Variants in MGLL observed in about 807,000 individuals in gnomAD.
MGLL encodes the protein lysophospholipase homolog.
A neutral mutation model predicts 29.1 loss-of-function variants in MGLL; 7 were observed. The observed-to-expected ratio is 0.24, with a 90% confidence interval of 0.14 to 0.45. The LOEUF is 0.45. MGLL is among the 20% of genes least tolerant of loss of function. The pLI, the probability that MGLL is intolerant of heterozygous loss-of-function variation, is 0.99. For synonymous variants in MGLL, 148 were observed against 168.3 expected (o/e 0.88, Z 0.93); for missense variants, 356 against 413.6 (o/e 0.86, Z 1.21).
chr3:127,788,091 C>T (rs987551298), intron 2 of MGLL, among the ~76,000 whole-genome samples: 1 of 152,172 alleles, frequency 6.6e-6, no homozygotes, highest in African/African-American at 2.4e-5. Context: ...ATAGACTTCT[C>T]CTTTGTATAA....
chr3:127,712,987 G>A (rs902704485), intron 5 of MGLL: 7 of 152,284 alleles, frequency 4.6e-5, no homozygotes, highest in African/African-American at 1.4e-4. Flanking sequence ...GTGCATAAAG[G>A]CAGTGGGCTG....
rs775021177 is a variant in MGLL at position 127,721,092 on chromosome 3, A to C, written c.471T>G (p.Pro157=). The change falls in exon 5 of 8, where the codon CCT becomes CCG. Residue 157 remains proline (P), a synonymous_variant. Coordinates refer to ENST00000265052, the MANE Select transcript of MGLL (RefSeq NM_007283.7). ...GHFAGMVLIS[P]LVLANPESAT... ...CAGATTCAGGATTGGCAAGAACCAG[A>C]GGCGAAATGAGTACCATGCCGGCGA... is the stretch of plus-strand genomic sequence containing the variant. The C allele has an allele frequency of 1.5e-5, 24 of 1,614,274 alleles. No homozygotes were observed. Among genetic ancestry groups the C allele is most frequent in the Non-Finnish European group, 1.8e-5 (21 of 1,180,044 alleles).
chr3:127,816,102 A>G (rs2077751095), intron 2 of MGLL, among the ~76,000 whole-genome samples: 1 of 152,200 alleles, frequency 6.6e-6, no homozygotes, highest in Non-Finnish European at 1.5e-5. Context: ...AGGGACAATA[A>G]GCTGTGTGAT....
intron 3 of MGLL, among the ~76,000 whole-genome samples, chr3:127,778,307 C>A (rs2077068782): frequency 6.6e-6 from 1 of 152,194 alleles, no homozygotes; most frequent in South Asian, 2.1e-4. Flanking sequence ...TGAGGGGTGA[C>A]CCAGCCCGCT....
At chr3:127,736,629 C>A (rs141937395) in intron 3 of MGLL, among the ~76,000 whole-genome samples, 1 of 152,312 alleles carries the variant, frequency 6.6e-6, no homozygotes, top group African/African-American at 2.4e-5. Context: ...TAAGCACTTG[C>A]GGTATGCCTG....
intron 5 of MGLL, chr3:127,711,532 T>C (rs1472060705): frequency 6.6e-6 from 1 of 151,940 alleles, no homozygotes; most frequent in Non-Finnish European, 1.5e-5. Flanking sequence ...TGCACAGACA[T>C]TTGGGGATGA....
At chr3:127,799,241 T>C (rs535327628) in intron 2 of MGLL, among the ~76,000 whole-genome samples, 20 of 152,242 alleles carry the variant, frequency 1.3e-4, no homozygotes, top group South Asian at 4.2e-4. Context: ...CCCTTTGACA[T>C]AAGTAGCCTG....
intron 6 of MGLL, among the ~76,000 whole-genome samples, chr3:127,708,156 C>T (rs2078637): frequency 0.39 from 60,037 of 152,082 alleles, 12,004 homozygotes; most frequent in Middle Eastern, 0.55. Flanking sequence ...CAAGACACCC[C>T]GATGTTAGAT....
Position 127,761,418 on chromosome 3 carries a change from GCTC to G in MGLL, c.262+20368_262+20370del, listed in dbSNP as rs1398728411. ...GGACCAGGGTGGAGGCCTCCCCAGG[GCTC>G]CTCCTTCTCCAGCAAGCAGTACTAA... On this transcript the variant is annotated intron_variant, in intron 3 of 7. Coordinates refer to ENST00000265052, the MANE Select transcript of MGLL (RefSeq NM_007283.7). This position sits in a 1 kb window ranked among gnomAD's most constrained non-coding sequence, Gnocchi z 4.6. Among the ~76,000 whole-genome samples, 3 of 152,212 alleles carry G rather than the reference GCTC, an allele frequency of 2.0e-5. No homozygotes were observed. Among genetic ancestry groups the G allele is most frequent in the Non-Finnish European group, 4.4e-5 (3 of 68,042 alleles).
chr3:127,770,216 C>T (rs546887474), intron 3 of MGLL, among the ~76,000 whole-genome samples: 1 of 152,198 alleles, frequency 6.6e-6, no homozygotes, highest in South Asian at 2.1e-4. Context: ...GAGACAGAGT[C>T]ACATCCTATT....
intron 2 of MGLL, among the ~76,000 whole-genome samples, chr3:127,782,592 C>T (rs1433331608): frequency 1.3e-5 from 2 of 152,178 alleles, no homozygotes; most frequent in Non-Finnish European, 2.9e-5. Flanking sequence ...CTTCCTCCCT[C>T]GGGGGCGAAT....
In MGLL at chr3:127,786,602, G is replaced by A. The variant is rs149034145; in HGVS notation, c.156-4707C>T. On this transcript the variant is annotated intron_variant, in intron 2 of 7. Transcript: ENST00000265052. ...ACACAGCCCTCGAGATGAACAAGCC[G>A]CAGAGCCTCTCAGAATGTACAAACC... Among the ~76,000 whole-genome samples, 531 of 152,332 alleles carry A rather than the reference G, an allele frequency of 3.5e-3. 5 individuals carry two copies. The highest frequency in any genetic ancestry group is 0.012 in the African/African-American group (511 of 41,568).
chr3:127,781,958 T>A, intron 2 of MGLL, 63 bp from the exon 3 acceptor site: 1 of 1,498,014 alleles, frequency 6.7e-7, no homozygotes, highest in Non-Finnish European at 9.3e-7. Context: ...CGGTGGCTCA[T>A]GCCTACAATT....
chr3:127,782,677 A>C (rs2077147797), intron 2 of MGLL, among the ~76,000 whole-genome samples: 1 of 152,198 alleles, frequency 6.6e-6, no homozygotes. Flanking sequence ...GGAGAGCTAG[A>C]GTCTCCTTCA....
chr3:127,814,915 A>G (rs188148022), intron 2 of MGLL, among the ~76,000 whole-genome samples: 21 of 152,376 alleles, frequency 1.4e-4, no homozygotes, highest in Admixed American at 1.4e-3. Flanking sequence ...AATTCTTAAA[A>G]TGGACTACTT....
intron 2 of MGLL, among the ~76,000 whole-genome samples, chr3:127,814,412 T>TA (rs2077717678): frequency 6.6e-6 from 1 of 152,144 alleles, no homozygotes; most frequent in Non-Finnish European, 1.5e-5. Context: ...GACCCTGCAA[T>TA]ATGGGACAAG....
At chr3:127,710,448 T>C in intron 6 of MGLL, 128 bp downstream of exon 6, 2 of 889,584 alleles carry the variant, frequency 2.2e-6, no homozygotes, top group East Asian at 2.7e-5. Flanking sequence ...TGCACCACTG[T>C]GTCCTTGTCA....
At chr3:127,695,491 G>A (rs1188001558) in intron 6 of MGLL, among the ~76,000 whole-genome samples, 1 of 152,250 alleles carries the variant, frequency 6.6e-6, no homozygotes, top group Non-Finnish European at 1.5e-5. Context: ...TTGGGAAGCT[G>A]AGGCGGGCGG....
chr3:127,781,526 A>T (rs1354517481), intron 3 of MGLL, among the ~76,000 whole-genome samples: 3 of 152,254 alleles, frequency 2.0e-5, no homozygotes, highest in Non-Finnish European at 2.9e-5. Context: ...AGAATTCCTT[A>T]GCCTCAGGCA....
Sources: allele counts gnomAD v4.1 joint callset (sites outside exome capture counted in the v4.1 genomes callset), GRCh38; gene constraint gnomAD v4.1.1; non-coding constraint Gnocchi (gnomAD v3.1); transcripts MANE v1.5; gene names NCBI Gene and HGNC (gene_info 2026-07-23, HGNC 2026-07-21).